The following NRG1 variants were observed in gnomAD, a reference collection of about 807,000 sequenced individuals.
NRG1 encodes the protein pro-neuregulin-1, membrane-bound isoform.
In NRG1, 18 loss-of-function variants were observed where a neutral mutation model predicts 63.8. The ratio of observed to expected loss-of-function variants is 0.28; its 90% CI spans 0.19 to 0.42. The LOEUF (loss-of-function observed/expected upper bound fraction) is 0.42, where lower values mean the gene tolerates loss of function less well. NRG1 is among the 10% of genes least tolerant of loss of function. The probability of loss-of-function intolerance (pLI) is 1.00; values close to 1 mark genes in which losing one functional copy is unlikely to be tolerated. For synonymous variants in NRG1, 302 were observed against 301.3 expected (o/e 1.00, Z -0.02); for missense variants, 762 against 814.7 (o/e 0.94, Z 0.79).
chr8:32,105,966 T>C (rs891286608), intron 1 of NRG1, among the ~76,000 whole-genome samples: 2 of 152,188 alleles, frequency 1.3e-5, no homozygotes, highest in East Asian at 1.9e-4. Context: ...AACTTAATGT[T>C]ATCCCACTAT....
chr8:31,713,067 A>G (rs1460316431), intron 1 of NRG1, among the ~76,000 whole-genome samples: 1 of 148,486 alleles, frequency 6.7e-6, no homozygotes, highest in African/African-American at 2.5e-5. Context: ...TGTATTTAGG[A>G]GGCTTCAGCA....
intron 1 of NRG1, among the ~76,000 whole-genome samples, chr8:31,878,523 A>G (rs1830099795): frequency 6.6e-6 from 1 of 152,230 alleles, no homozygotes; most frequent in African/African-American, 2.4e-5. Context: ...GGGGCAATAT[A>G]CTATTTATCG....
intron 1 of NRG1, among the ~76,000 whole-genome samples, chr8:31,901,385 T>C (rs1053706261): frequency 6.6e-6 from 1 of 152,234 alleles, no homozygotes; most frequent in South Asian, 2.1e-4. Flanking sequence ...CACCAAACTA[T>C]GTTGGAAAGT....
chr8:32,531,645 C>T (rs551214533), intron 1 of NRG1, among the ~76,000 whole-genome samples: 10 of 152,092 alleles, frequency 6.6e-5, no homozygotes, highest in Non-Finnish European at 1.0e-4. Flanking sequence ...TTGCAACTTA[C>T]GAAATGGTAT....
chr8:31,961,564 A>G (rs895503686), intron 1 of NRG1, among the ~76,000 whole-genome samples: 1 of 152,210 alleles, frequency 6.6e-6, no homozygotes, highest in Non-Finnish European at 1.5e-5. Flanking sequence ...CTATAAGTAG[A>G]CAAAGATGTA....
chr8:31,672,934 A>G (rs961102497), intron 1 of NRG1, among the ~76,000 whole-genome samples: 4 of 149,178 alleles, frequency 2.7e-5, no homozygotes, highest in Non-Finnish European at 5.9e-5. Context: ...TTTACAATGT[A>G]TAGGGCTAGA....
At chr8:31,813,516 C>CTTTTCTTTTCTTTTCTTTTTTTTTCT in intron 1 of NRG1, among the ~76,000 whole-genome samples, 5 of 101,212 alleles carry the variant, frequency 4.9e-5, no homozygotes, top group East Asian at 7.2e-4. Context: ...CTTTTCTTTT[C>CTTTTCTTTTCTTTTCTTTTTTTTTCT]TTTTTTTTTT....
chr8:32,362,651 A>G (rs1412865646), intron 1 of NRG1, among the ~76,000 whole-genome samples: 1 of 152,232 alleles, frequency 6.6e-6, no homozygotes, highest in Non-Finnish European at 1.5e-5. Flanking sequence ...AATCTCAAGC[A>G]GAGATTCTCT....
chr8:32,303,183 C>CAAAAAAAAAAAAAAAAAAAAAAGAA (rs1563291349), intron 1 of NRG1, among the ~76,000 whole-genome samples: 1 of 59,708 alleles, frequency 1.7e-5, no homozygotes, highest in Non-Finnish European at 2.9e-5. Context: ...AACTCAGTCT[C>CAAAAAAAAAAAAAAAAAAAAAAGAA]CAAAAAAAAA....
intron 1 of NRG1, among the ~76,000 whole-genome samples, chr8:32,074,351 T>G (rs1826182073): frequency 6.6e-6 from 1 of 152,186 alleles, no homozygotes; most frequent in Non-Finnish European, 1.5e-5. Flanking sequence ...GGTCAGATAC[T>G]CAAGCATGAT....
chr8:31,876,612 G>T (rs1167110313), intron 1 of NRG1, among the ~76,000 whole-genome samples: 2 of 152,100 alleles, frequency 1.3e-5, no homozygotes, highest in Non-Finnish European at 2.9e-5. Flanking sequence ...GACCAGTGGG[G>T]CTGAGAAAAT....
intron 1 of NRG1, among the ~76,000 whole-genome samples, chr8:32,551,424 G>C (rs976985845): frequency 2.0e-5 from 3 of 152,156 alleles, no homozygotes; most frequent in African/African-American, 7.2e-5. Flanking sequence ...ATTGCCTCAT[G>C]ACAGTCAGGG....
intron 1 of NRG1, among the ~76,000 whole-genome samples, chr8:32,506,220 C>G (rs1368097909): frequency 6.6e-6 from 1 of 152,126 alleles, no homozygotes; most frequent in Non-Finnish European, 1.5e-5. Context: ...TGCGCTCCAG[C>G]CTGGGCAAGA....
chr8:32,647,714 G>T, intron 5 of NRG1: 1 of 1,550,116 alleles, frequency 6.5e-7, no homozygotes, highest in Non-Finnish European at 8.7e-7. Flanking sequence ...CTGGAGGTGA[G>T]CCGATGGAGA....
intron 1 of NRG1, among the ~76,000 whole-genome samples, chr8:32,258,900 C>CCACT (rs1850050948): frequency 6.6e-6 from 1 of 152,112 alleles, no homozygotes. Context: ...AGGCCCTTAA[C>CCACT]CACTACATTA....
chr8:32,524,498 T>TA (rs200965466), intron 1 of NRG1, among the ~76,000 whole-genome samples: 1 of 151,282 alleles, frequency 6.6e-6, no homozygotes, highest in Non-Finnish European at 1.5e-5. Flanking sequence ...CCTTAAAGAT[T>TA]TTTTTTTTCT....
intron 1 of NRG1, among the ~76,000 whole-genome samples, chr8:32,111,074 G>T (rs764913597): frequency 6.6e-6 from 1 of 151,960 alleles, no homozygotes; most frequent in Non-Finnish European, 1.5e-5. Context: ...CTTAGGATTC[G>T]TATTCTTCCC....
intron 1 of NRG1, among the ~76,000 whole-genome samples, chr8:31,903,268 C>CCA (rs1832245509): frequency 6.6e-6 from 1 of 151,598 alleles, no homozygotes; most frequent in Non-Finnish European, 1.5e-5. Flanking sequence ...CCTGCCTCAG[C>CCA]CTCCCGAGTA....
At chr8:31,650,287 A>T (rs1268434288) in intron 1 of NRG1, among the ~76,000 whole-genome samples, 2 of 152,144 alleles carry the variant, frequency 1.3e-5, no homozygotes, top group Non-Finnish European at 2.9e-5. Flanking sequence ...CTGAAATGCT[A>T]CTTTTCTTAG....
Sources: gnomAD v4.1 joint callset for allele counts (sites outside exome capture counted in the v4.1 genomes callset) on GRCh38, gnomAD v4.1.1 for gene constraint, MANE v1.5 for transcripts, NCBI Gene and HGNC (gene_info 2026-07-23, HGNC 2026-07-21) for gene names.